The following RNLS variants were observed in gnomAD, a reference collection of about 807,000 sequenced individuals.
RNLS encodes the protein renalase.
RNLS carries 39 observed loss-of-function variants against 39.8 expected under a neutral mutation model. The ratio of observed to expected loss-of-function variants is 0.98; its 90% CI spans 0.76 to 1.28. RNLS has a LOEUF of 1.28. Among genes scored for constraint, RNLS ranks in the 50% most tolerant of loss-of-function variants. RNLS has a pLI of 0.00. For synonymous variants in RNLS, 147 were observed against 150.7 expected (o/e 0.98, Z 0.18); for missense variants, 410 against 413.3 (o/e 0.99, Z 0.07).
At chr10:88,469,546 T>A (rs902023527) in intron 4 of RNLS, among the ~76,000 whole-genome samples, 3 of 152,178 alleles carry the variant, frequency 2.0e-5, no homozygotes, top group Non-Finnish European at 2.9e-5. Flanking sequence ...GTTATATAGT[T>A]GCACAATTAA....
chr10:88,485,504 G>T (rs1299446689), intron 4 of RNLS, among the ~76,000 whole-genome samples: 1 of 151,578 alleles, frequency 6.6e-6, no homozygotes, highest in African/African-American at 2.4e-5. Flanking sequence ...AAAACTTCTT[G>T]AAGAAAAGTT....
At chr10:88,358,342 G>T (rs1464183047) in intron 5 of RNLS, among the ~76,000 whole-genome samples, 1 of 152,164 alleles carries the variant, frequency 6.6e-6, no homozygotes. Context: ...AAGCATGAAA[G>T]GTGACATCAA....
intron 5 of RNLS, among the ~76,000 whole-genome samples, chr10:88,342,071 T>G (rs17111200): frequency 2.0e-5 from 3 of 152,074 alleles, no homozygotes; most frequent in African/African-American, 7.2e-5. Context: ...TTTTGGTCAA[T>G]GGATTAGGAG....
At chr10:88,419,206 T>G (rs1228751654) in intron 4 of RNLS, among the ~76,000 whole-genome samples, 1 of 152,178 alleles carries the variant, frequency 6.6e-6, no homozygotes, top group Non-Finnish European at 1.5e-5. Flanking sequence ...TAAGTGCAAA[T>G]GGTGTCCTTG....
the RNLS span, among the ~76,000 whole-genome samples, chr10:88,246,799 C>T: frequency 1.4e-4 from 21 of 152,116 alleles, no homozygotes; most frequent in Admixed American, 6.5e-4. Flanking sequence ...TAACACCCAG[C>T]GTTCCCTCTG....
At chr10:88,480,950 G>A (rs1002121756) in intron 4 of RNLS, among the ~76,000 whole-genome samples, 17 of 152,104 alleles carry the variant, frequency 1.1e-4, no homozygotes, top group African/African-American at 3.6e-4. Context: ...TCCATGATTT[G>A]TTCTATTTCT....
At chr10:88,192,544 G>A in the RNLS span, among the ~76,000 whole-genome samples, 1 of 152,326 alleles carries the variant, frequency 6.6e-6, no homozygotes, top group African/African-American at 2.4e-5. Context: ...AGACTATGGA[G>A]GGCCTAGAGT....
chr10:88,402,295 G>C (rs1282092011), intron 4 of RNLS, among the ~76,000 whole-genome samples: 1 of 151,986 alleles, frequency 6.6e-6, no homozygotes, highest in Non-Finnish European at 1.5e-5. Context: ...TACAGATGAT[G>C]AAAGTATGCC....
downstream of RNLS, among the ~76,000 whole-genome samples, chr10:88,282,515 ACACACACACAC>A (rs1843055430): frequency 9.5e-6 from 1 of 104,924 alleles, no homozygotes; most frequent in Non-Finnish European, 2.1e-5. Context: ...ACACACACAC[ACACACACACAC>A]GCTTGGATGA....
intron 4 of RNLS, among the ~76,000 whole-genome samples, chr10:88,508,248 GT>G (rs1589921053): frequency 6.6e-6 from 1 of 152,116 alleles, no homozygotes; most frequent in African/African-American, 2.4e-5. Flanking sequence ...GGTTATGATT[GT>G]TTTCTATGCA....
At chr10:88,482,500 T>A (rs1844245571) in intron 4 of RNLS, among the ~76,000 whole-genome samples, 1 of 152,180 alleles carries the variant, frequency 6.6e-6, no homozygotes, top group Non-Finnish European at 1.5e-5. Context: ...TAATTCTTTT[T>A]TCTTTTTATA....
the RNLS span, among the ~76,000 whole-genome samples, chr10:88,245,277 G>A: frequency 1.3e-5 from 2 of 152,150 alleles, no homozygotes; most frequent in African/African-American, 4.8e-5. Flanking sequence ...CCTTTATGGT[G>A]TGATTGCCCA....
intron 4 of RNLS, among the ~76,000 whole-genome samples, chr10:88,462,841 C>A (rs1280574078): frequency 1.3e-5 from 2 of 151,426 alleles, no homozygotes; most frequent in Non-Finnish European, 2.9e-5. Context: ...AAAAAATAGA[C>A]AAGAGGAAAG....
intron 4 of RNLS, among the ~76,000 whole-genome samples, chr10:88,456,188 G>A (rs1842618337): frequency 6.6e-6 from 1 of 152,008 alleles, no homozygotes; most frequent in Non-Finnish European, 1.5e-5. Context: ...AAAACTCAAG[G>A]TACTCCAAAG....
chr10:88,333,015 G>A (rs1221094877), intron 5 of RNLS, among the ~76,000 whole-genome samples: 1 of 152,152 alleles, frequency 6.6e-6, no homozygotes, highest in Non-Finnish European at 1.5e-5. Context: ...TCTTGAGTCT[G>A]AAATTCTGTC....
At chr10:88,544,958 T>C (rs1245290991) in intron 4 of RNLS, among the ~76,000 whole-genome samples, 1 of 152,180 alleles carries the variant, frequency 6.6e-6, no homozygotes, top group Admixed American at 6.6e-5. Flanking sequence ...GTGTCTACCA[T>C]AAAACCCATG....
At chr10:88,387,926 T>C (rs541242297) in intron 4 of RNLS, among the ~76,000 whole-genome samples, 2 of 152,192 alleles carry the variant, frequency 1.3e-5, no homozygotes, top group African/African-American at 2.4e-5. Flanking sequence ...AACATAGATA[T>C]AGGAAACATC....
At chr10:88,547,153 T>A (rs1051087553) in intron 4 of RNLS, among the ~76,000 whole-genome samples, 2 of 152,252 alleles carry the variant, frequency 1.3e-5, no homozygotes, top group African/African-American at 4.8e-5. Flanking sequence ...TCTTCAGAGA[T>A]GTCAGGTTCT....
chr10:88,380,422 CTGGAGTGCAG>C (rs1164107345), intron 4 of RNLS, among the ~76,000 whole-genome samples: 2 of 131,080 alleles, frequency 1.5e-5, no homozygotes, highest in South Asian at 4.9e-4. Flanking sequence ...GTCACCCAGG[CTGGAGTGCAG>C]TGGCGTGATC....
Sources: allele counts gnomAD v4.1 joint callset (sites outside exome capture counted in the v4.1 genomes callset), GRCh38; gene constraint gnomAD v4.1.1; transcripts MANE v1.5; gene names NCBI Gene and HGNC (gene_info 2026-07-23, HGNC 2026-07-21).